SORCS2: variants seen among roughly 807,000 people sequenced by gnomAD.
SORCS2 encodes sortilin related VPS10 domain containing receptor 2.
Under a neutral mutation model 141.6 loss-of-function variants are expected in SORCS2, and 100 were observed. The ratio of observed to expected loss-of-function variants is 0.71; its 90% CI spans 0.60 to 0.83. The LOEUF (loss-of-function observed/expected upper bound fraction) is 0.83. Among genes scored for constraint, SORCS2 ranks in the 40% least tolerant of loss-of-function variants. SORCS2 has a pLI of 0.00. For missense variants in SORCS2, 1,646 were observed against 1,560.2 expected, an observed-to-expected ratio of 1.05 and a Z score of -0.93; for synonymous variants, 789 against 676.9, an observed-to-expected ratio of 1.17 and a Z score of -2.57.
At chr4:7,346,786 C>T (rs1720677266) in intron 1 of SORCS2, among the ~76,000 whole-genome samples, 1 of 152,122 alleles carries the variant, frequency 6.6e-6, no homozygotes, top group African/African-American at 2.4e-5. Context: ...TTTCTTCAGC[C>T]ACACTTAAAC....
intron 1 of SORCS2, among the ~76,000 whole-genome samples, chr4:7,371,777 C>G (rs189419960): frequency 6.6e-6 from 1 of 152,306 alleles, no homozygotes; most frequent in South Asian, 2.1e-4. Context: ...GGTGTCAGCT[C>G]GCTGTGGGTC....
At chr4:7,255,370 C>G (rs144331528) in intron 1 of SORCS2, among the ~76,000 whole-genome samples, 1 of 152,042 alleles carries the variant, frequency 6.6e-6, no homozygotes, top group Admixed American at 6.5e-5. Flanking sequence ...TCCTGGCAGA[C>G]GCAGGAGCCT....
intron 3 of SORCS2, among the ~76,000 whole-genome samples, chr4:7,624,867 C>T (rs758044730): frequency 6.6e-6 from 1 of 152,206 alleles, no homozygotes; most frequent in African/African-American, 2.4e-5. Context: ...AGAGCCTCAG[C>T]GCAAAACCCC....
intron 2 of SORCS2, among the ~76,000 whole-genome samples, chr4:7,516,660 G>A (rs988821069): frequency 1.3e-5 from 2 of 152,194 alleles, no homozygotes; most frequent in Non-Finnish European, 2.9e-5. Flanking sequence ...GTCTGGGAGT[G>A]TGGGGAGAGG....
intron 8 of SORCS2, among the ~76,000 whole-genome samples, chr4:7,668,190 C>T (rs886280164): frequency 3.3e-5 from 5 of 152,154 alleles, no homozygotes; most frequent in Non-Finnish European, 7.3e-5. Flanking sequence ...AGTAGACAGA[C>T]AAATGCATAA....
intron 1 of SORCS2, among the ~76,000 whole-genome samples, chr4:7,209,483 G>A (rs531707993): frequency 4.6e-5 from 7 of 152,088 alleles, no homozygotes; most frequent in South Asian, 2.1e-4. Flanking sequence ...ATCCCCTTCC[G>A]GAAACGGTCC....
At chr4:7,257,860 G>GC (rs1344052386) in intron 1 of SORCS2, among the ~76,000 whole-genome samples, 1 of 152,162 alleles carries the variant, frequency 6.6e-6, no homozygotes, top group African/African-American at 2.4e-5. Flanking sequence ...AACGAGAGGC[G>GC]CCGACAGGAG....
intron 2 of SORCS2, among the ~76,000 whole-genome samples, chr4:7,461,399 T>G (rs1257143233): frequency 6.6e-6 from 1 of 152,210 alleles, no homozygotes; most frequent in African/African-American, 2.4e-5. Flanking sequence ...ACCTCTGGGC[T>G]GTCAGCCTGG....
chr4:7,231,917 G>A (rs1711919227), intron 1 of SORCS2, among the ~76,000 whole-genome samples: 1 of 152,210 alleles, frequency 6.6e-6, no homozygotes, highest in Non-Finnish European at 1.5e-5. Flanking sequence ...AGACTGGGGT[G>A]GGGCTTGGGC....
chr4:7,714,170 A>G lies in SORCS2; in HGVS notation c.1990-70A>G, dbSNP rs1726026486. 11 of 1,533,358 alleles carry G rather than the reference A, an allele frequency of 7.2e-6. No individual in the cohort carries two copies. In the South Asian group the frequency reaches 1.2e-4, roughly 17 times the overall value. The allele number at this position is 1,533,358 out of a possible 1,614,324, so 95.0% of individuals were successfully genotyped here. On this transcript the variant is annotated intron_variant, in intron 15 of 26. Transcript: ENST00000507866. ...GCCATCTTCAGGCTCTGGCAGCCTC[A>G]GCGGCACAAGGCCTTGTAGAGCAGT...
At chr4:7,467,472 C>T (rs373711407) in intron 2 of SORCS2, among the ~76,000 whole-genome samples, 24 of 152,340 alleles carry the variant, frequency 1.6e-4, no homozygotes, top group African/African-American at 5.8e-4. Context: ...TCACTCTGGC[C>T]TCCGAGTCAA....
At chr4:7,453,640 G>GGA (rs1365545188) in intron 2 of SORCS2, among the ~76,000 whole-genome samples, 3 of 128,250 alleles carry the variant, frequency 2.3e-5, no homozygotes, top group South Asian at 2.9e-4. Context: ...GTTGGGGTCA[G>GGA]GCACTGTGTT....
chr4:7,270,724 G>A (rs901946256), intron 1 of SORCS2, among the ~76,000 whole-genome samples: 5 of 152,242 alleles, frequency 3.3e-5, no homozygotes, highest in East Asian at 1.9e-4. Context: ...TACAGATTTC[G>A]TTTTCTTTTT....
intron 2 of SORCS2, among the ~76,000 whole-genome samples, chr4:7,492,197 T>C (rs1412611616): frequency 6.6e-6 from 1 of 152,250 alleles, no homozygotes; most frequent in Non-Finnish European, 1.5e-5. Flanking sequence ...CCGCCACCTG[T>C]AAATACATGA....
At chr4:7,238,682 C>T (rs939571496) in intron 1 of SORCS2, among the ~76,000 whole-genome samples, 7 of 152,306 alleles carry the variant, frequency 4.6e-5, no homozygotes, top group South Asian at 2.1e-4. Context: ...TGATTAGGAG[C>T]GTGAGCTGCT....
chr4:7,543,729 C>G (rs989919353), intron 3 of SORCS2, among the ~76,000 whole-genome samples: 1 of 129,990 alleles, frequency 7.7e-6, no homozygotes, highest in Non-Finnish European at 1.7e-5. Flanking sequence ...CCCATCCACC[C>G]ATCCACCCAT....
intron 2 of SORCS2, among the ~76,000 whole-genome samples, chr4:7,408,575 G>A (rs1228457345): frequency 6.6e-6 from 1 of 151,942 alleles, no homozygotes; most frequent in East Asian, 1.9e-4. Context: ...TATGCCTTGG[G>A]GGTAGTCTTG....
At chr4:7,518,690 T>C (rs2109494970) in intron 2 of SORCS2, among the ~76,000 whole-genome samples, 1 of 152,282 alleles carries the variant, frequency 6.6e-6, no homozygotes, top group South Asian at 2.1e-4. Context: ...GGTGCTCGTG[T>C]GTCCTTCCTG....
Position 7,742,250 on chromosome 4 carries a change from G to GC in SORCS2, c.*1986_*1987insC. ...CAAGGACACCTTTGCAGGGATTCTT[G>GC]TCCTGCTGGCCACCCCACCCACACC... On this transcript the variant is annotated 3_prime_UTR_variant, in exon 27 of 27. Coordinates refer to ENST00000507866, the MANE Select transcript of SORCS2 (RefSeq NM_020777.3). 1 of 152,250 alleles carries GC rather than the reference G, an allele frequency of 6.6e-6. No individual in the cohort carries two copies. The highest frequency in any genetic ancestry group is 1.5e-5 in the Non-Finnish European group (1 of 68,110). 9.4% of individuals were successfully genotyped at this position (152,250 alleles called of 1,614,324 possible).
Sources: allele counts gnomAD v4.1 joint callset (sites outside exome capture counted in the v4.1 genomes callset), GRCh38; gene constraint gnomAD v4.1.1; transcripts MANE v1.5; gene names NCBI Gene and HGNC (gene_info 2026-07-23, HGNC 2026-07-21).